The following EEF1A1 variants were observed in gnomAD, a reference collection of about 807,000 sequenced individuals.
The protein encoded by EEF1A1 is elongation factor 1-alpha 1.
A neutral mutation model predicts 38.5 loss-of-function variants in EEF1A1; 1 was observed. The ratio of observed to expected loss-of-function variants is 0.03; its 90% CI spans 0.01 to 0.12. EEF1A1 has a LOEUF of 0.12. Among genes scored for constraint, EEF1A1 ranks in the 10% least tolerant of loss-of-function variants. The probability of loss-of-function intolerance (pLI) is 1.00; values close to 1 mark genes in which losing one functional copy is unlikely to be tolerated. For synonymous variants in EEF1A1, 229 were observed against 203.7 expected (o/e 1.12, Z -1.06); for missense variants, 184 against 588.3 (o/e 0.31, Z 7.11).
intron 1 of EEF1A1, chr6:73,520,297 C>T: frequency 5.4e-6 from 2 of 370,192 alleles, no homozygotes; most frequent in Non-Finnish European, 9.8e-6. Context: ...CCCGGTACTC[C>T]GTGGAGTCAC....
Position 73,516,229 on chromosome 6 carries a change from T to G in EEF1A1, c.*1581A>C, listed in dbSNP as rs990670491. Reference sequence around the variant, plus strand: ...CAGACTTGTCTATGGCCAATTCAAGTACCTTTGAATCTTGAGCAATACACA... The same window carrying G: ...CAGACTTGTCTATGGCCAATTCAAGGACCTTTGAATCTTGAGCAATACACA... On this transcript the variant is annotated 3_prime_UTR_variant, in exon 8 of 8. Coordinates refer to ENST00000309268, the MANE Select transcript of EEF1A1 (RefSeq NM_001402.6). The G allele has an allele frequency of 6.6e-6, 1 of 152,200 alleles. No individual in the cohort carries two copies. The highest frequency in any genetic ancestry group is 2.4e-5 in the African/African-American group (1 of 41,430). The allele number at this position is 152,200 out of a possible 1,614,324, so 9.4% of individuals were successfully genotyped here. A position where few individuals can be genotyped will look rare whatever the true frequency, so the allele number is the denominator to read the frequency against.
intron 1 of EEF1A1, 50 bp from the exon 2 acceptor site, chr6:73,520,106 A>C: frequency 6.6e-7 from 1 of 1,519,132 alleles, no homozygotes; most frequent in Non-Finnish European, 8.8e-7. Flanking sequence ...CTTGAGAATG[A>C]ACCAAGATCC....
At chr6:73,518,883 A>G in intron 4 of EEF1A1, 35 bp from the exon 5 acceptor site, 1 of 1,611,292 alleles carries the variant, frequency 6.2e-7, no homozygotes. Context: ...TGTAAGCATG[A>G]AATCGCCATT....
chr6:73,518,086 T>C lies in EEF1A1; in HGVS notation c.1208A>G (p.Asp403Gly). The C allele has an allele frequency of 6.3e-7, 1 of 1,589,070 alleles. No individual in the cohort carries two copies. The highest frequency in any genetic ancestry group is 8.6e-7 in the Non-Finnish European group (1 of 1,167,706). Residue 403 changes from aspartate to glycine, a missense_variant, in exon 7 of 8, where the codon GAT becomes GGT. Around this residue, in one of 3 missense-constraint regions of EEF1A1, gnomAD observed 81 missense variants for 286.3 expected, o/e 0.28. Coordinates refer to ENST00000309268, the MANE Select transcript of EEF1A1 (RefSeq NM_001402.6). ...FLKSGDAAIV[D>G]MVPGKPMCVE... Reference sequence around the variant, plus strand: ...ACACATGGGCTTGCCAGGAACCATATCAACAATGGCAGCATCACCAGACTT... The same window carrying C: ...ACACATGGGCTTGCCAGGAACCATACCAACAATGGCAGCATCACCAGACTT...
chr6:73,516,843 A>T lies in EEF1A1; in HGVS notation c.*967T>A, dbSNP rs1177307204. 3 of 152,224 alleles carry T rather than the reference A, an allele frequency of 2.0e-5. No homozygotes were observed. Among genetic ancestry groups the T allele is most frequent in the African/African-American group, 4.8e-5 (2 of 41,464 alleles). The allele number at this position is 152,224 out of a possible 1,614,324, so 9.4% of individuals were successfully genotyped here. ...ACACCTGTTAAGCCTATTACCATGT[A>T]GTTTCATTCCTAGTGACCAAGTAGA... On this transcript the variant is annotated 3_prime_UTR_variant, in exon 8 of 8. Coordinates refer to ENST00000309268, the MANE Select transcript of EEF1A1 (RefSeq NM_001402.6).
intron 2 of EEF1A1, 117 bp from the exon 3 acceptor site, chr6:73,519,633 T>A: frequency 1.6e-6 from 2 of 1,273,648 alleles, no homozygotes; most frequent in Non-Finnish European, 2.2e-6. Flanking sequence ...CAAAGTGATT[T>A]TAGTCACTTT....
In EEF1A1 at chr6:73,516,682, A is replaced by C. The variant is rs1467621381; in HGVS notation, c.*1128T>G. The C allele has an allele frequency of 6.6e-6, 1 of 151,154 alleles. No homozygotes were observed. Among genetic ancestry groups the C allele is most frequent in the Non-Finnish European group, 1.5e-5 (1 of 67,746 alleles). 9.4% of individuals were successfully genotyped at this position (151,154 alleles called of 1,614,324 possible). ...AAGCAAAAATTTTCCTTTTATAACC[A>C]AAAAAAAACCTTTAGACACTTTTAC... On this transcript the variant is annotated 3_prime_UTR_variant, in exon 8 of 8. Transcript: ENST00000309268.
At chr6:73,519,543 G>C (rs1765599967) in intron 2 of EEF1A1, 27 bp from the exon 3 acceptor site, 1 of 1,561,770 alleles carries the variant, frequency 6.4e-7, no homozygotes, top group Non-Finnish European at 8.6e-7. Flanking sequence ...TCGTTACTTG[G>C]TTACTAAAAC....
At position 73,519,317 on chromosome 6, in the gene EEF1A1, G is replaced by GA. The variant is rs1295423353; in HGVS notation, c.324+19dup. The stretch of plus-strand genomic sequence containing the variant: ...AAGCCTTTTGGGATAAAGAAACCTA[G>GA]AATTATTAATCCCACCAACCTGAGA... On this transcript the variant is annotated intron_variant, in intron 3 of 7. Coordinates refer to ENST00000309268, the MANE Select transcript of EEF1A1 (RefSeq NM_001402.6). The GA allele has an allele frequency of 6.2e-7, 1 of 1,606,640 alleles. No homozygotes were observed. The highest frequency in any genetic ancestry group is 2.2e-5 in the East Asian group (1 of 44,554).
rs1282941776 is a variant in EEF1A1, at chr6:73,517,628, C to CA, written c.*181dup. 4 of 443,242 alleles carry CA rather than the reference C, an allele frequency of 9.0e-6. No homozygotes were observed. The highest frequency in any genetic ancestry group is 3.9e-5 in the Admixed American group (1 of 25,898). 27.5% of individuals were successfully genotyped at this position (443,242 alleles called of 1,614,324 possible). A position where few individuals can be genotyped will look rare whatever the true frequency, so the allele number is the denominator to read the frequency against. On this transcript the variant is annotated 3_prime_UTR_variant, in exon 8 of 8. Coordinates refer to ENST00000309268, the MANE Select transcript of EEF1A1 (RefSeq NM_001402.6). ...ACTAATAACTTAAAACTGCCACACG[C>CA]AAAAAAGAAAACCAAAGTGGTCCAC...
chr6:73,519,620 G>T (rs1765601553), intron 2 of EEF1A1, 104 bp from the exon 3 acceptor site: 6 of 1,329,392 alleles, frequency 4.5e-6, no homozygotes, highest in Non-Finnish European at 6.1e-6. Context: ...ACAACTCCAA[G>T]TCCAAAGTGA....
chr6:73,519,801 A>T, intron 2 of EEF1A1, 82 bp downstream of exon 2: 1 of 1,578,168 alleles, frequency 6.3e-7, no homozygotes. Context: ...TAAACCACTC[A>T]CTAGTTCTGG....
At chr6:73,520,523 C>G (rs1765628832) in intron 1 of EEF1A1, 1 of 153,006 alleles carries the variant, frequency 6.5e-6, no homozygotes. Context: ...CAGAGCAGGC[C>G]GGCCAGCTTG....
intron 1 of EEF1A1, chr6:73,520,300 G>A (rs999945485): frequency 8.2e-6 from 3 of 365,176 alleles, no homozygotes; most frequent in Non-Finnish European, 1.5e-5. Flanking sequence ...GGTACTCCGT[G>A]GAGTCACATG....
In EEF1A1 at chr6:73,515,943, CAAG is replaced by C. The variant is rs1426721636; in HGVS notation, c.*1864_*1866del. On this transcript the variant is annotated 3_prime_UTR_variant, in exon 8 of 8. Coordinates refer to ENST00000309268, the MANE Select transcript of EEF1A1 (RefSeq NM_001402.6). ...AGTTAAATCTTGCTTCCTTGCATGT[CAAG>C]AATTCTCTACTGGTAAATCTTACAG... The C allele has an allele frequency of 6.6e-6, 1 of 152,142 alleles. No individual in the cohort carries two copies. Among genetic ancestry groups the C allele is most frequent in the African/African-American group, 2.4e-5 (1 of 41,390 alleles). The allele number at this position is 152,142 out of a possible 1,614,324, so 9.4% of individuals were successfully genotyped here.
chr6:73,517,505 AAC>A lies in EEF1A1; in HGVS notation c.*303_*304del, dbSNP rs1436819798. On this transcript the variant is annotated 3_prime_UTR_variant, in exon 8 of 8. Coordinates refer to ENST00000309268, the MANE Select transcript of EEF1A1 (RefSeq NM_001402.6). ...TAAATGTCTCGGTGTTGACCAAAGG[AAC>A]ACACAGGTTTCTCATTTAACTTTTT... is the stretch of plus-strand genomic sequence containing the variant. 4 of 318,966 alleles carry A rather than the reference AAC, an allele frequency of 1.3e-5. No individual in the cohort carries two copies. The highest frequency in any genetic ancestry group is 6.3e-5 in the South Asian group (1 of 15,890). 19.8% of individuals were successfully genotyped at this position (318,966 alleles called of 1,614,324 possible). A position where few individuals can be genotyped will look rare whatever the true frequency, so the allele number is the denominator to read the frequency against.
chr6:73,519,296 C>T (rs747428272), intron 3 of EEF1A1, 41 bp downstream of exon 3: 3 of 1,606,788 alleles, frequency 1.9e-6, no homozygotes, highest in African/African-American at 1.3e-5. Context: ...CAAAGCAAGC[C>T]TTTTGGGATA....
intron 2 of EEF1A1, 68 bp downstream of exon 2, chr6:73,519,815 A>T: frequency 6.3e-7 from 1 of 1,595,794 alleles, no homozygotes; most frequent in African/African-American, 1.3e-5. Flanking sequence ...GTTCTGGGGA[A>T]ATCACCTAAT....
rs919128770 is a variant in EEF1A1 at position 73,517,278 on chromosome 6, G to C, written c.*532C>G. The C allele has an allele frequency of 1.3e-5, 2 of 152,732 alleles. No homozygotes were observed. The highest frequency in any genetic ancestry group is 4.8e-5 in the African/African-American group (2 of 41,450). 9.5% of individuals were successfully genotyped at this position (152,732 alleles called of 1,614,324 possible). A position where few individuals can be genotyped will look rare whatever the true frequency, so the allele number is the denominator to read the frequency against. On this transcript the variant is annotated 3_prime_UTR_variant, in exon 8 of 8. Transcript: ENST00000309268. Reference sequence around the variant, plus strand: ...AGGACTCAGTTTTTGGCCTGTTTTAGTGACAGGCAATCAGCAACATGCTGC... The same window carrying C: ...AGGACTCAGTTTTTGGCCTGTTTTACTGACAGGCAATCAGCAACATGCTGC...
Sources: allele counts gnomAD v4.1 joint callset, GRCh38; gene constraint gnomAD v4.1.1; regional missense constraint gnomAD v4.1.1; transcripts MANE v1.5; gene names NCBI Gene and HGNC (gene_info 2026-07-23, HGNC 2026-07-21).